Variants in GFRA1 observed in about 807,000 individuals in gnomAD.
GFRA1 encodes GDNF family receptor alpha 1, also known as GDNF family receptor alpha-1.
Under a neutral mutation model 51.6 loss-of-function variants are expected in GFRA1, and 16 were observed. The observed-to-expected ratio is 0.31, with a 90% CI of 0.21 to 0.47. The LOEUF is 0.47. Ranked by LOEUF, GFRA1 falls within the 20% of genes least tolerant of loss-of-function variation. The probability of loss-of-function intolerance (pLI) is 1.00; values close to 1 mark genes in which losing one functional copy is unlikely to be tolerated. For missense variants in GFRA1, 530 were observed against 594.3 expected, an observed-to-expected ratio of 0.89 and a Z score of 1.13; for synonymous variants, 270 against 241.3, an observed-to-expected ratio of 1.12 and a Z score of -1.10.
At chr10:116,270,067 G>A (rs1365864198) in intron 3 of GFRA1, among the ~76,000 whole-genome samples, 2 of 152,154 alleles carry the variant, frequency 1.3e-5, no homozygotes, top group Non-Finnish European at 2.9e-5. Context: ...CCGCTGACAG[G>A]TCAAATCTGT....
intron 5 of GFRA1, among the ~76,000 whole-genome samples, chr10:116,141,926 C>A (rs1459982395): frequency 6.6e-6 from 1 of 152,030 alleles, no homozygotes; most frequent in Non-Finnish European, 1.5e-5. Context: ...ATGCTAGGTG[C>A]CAGGCTGGTA....
intron 6 of GFRA1, among the ~76,000 whole-genome samples, chr10:116,123,781 C>T (rs1377221277): frequency 6.6e-6 from 1 of 152,270 alleles, no homozygotes; most frequent in East Asian, 1.9e-4. Context: ...ACACTAAGTT[C>T]TGGGAAGGAC....
chr10:116,259,649 T>C (rs924835284), intron 4 of GFRA1, among the ~76,000 whole-genome samples: 1 of 152,130 alleles, frequency 6.6e-6, no homozygotes, highest in African/African-American at 2.4e-5. Flanking sequence ...AGGAGAAAGC[T>C]GGGAATTAAA....
At chr10:116,243,786 G>A (rs11197604) in intron 4 of GFRA1, among the ~76,000 whole-genome samples, 41,234 of 151,960 alleles carry the variant, frequency 0.27, 5,698 homozygotes, top group East Asian at 0.35. Flanking sequence ...TATGGCCACA[G>A]GCCCTGGTCA....
chr10:116,218,671 C>T (rs142808405), intron 4 of GFRA1, among the ~76,000 whole-genome samples: 2,245 of 152,288 alleles, frequency 0.015, 33 homozygotes, highest in Non-Finnish European at 0.022. Flanking sequence ...CTCCTGCTTC[C>T]TCCAGGCACA....
intron 4 of GFRA1, among the ~76,000 whole-genome samples, chr10:116,242,589 C>G (rs1736386009): frequency 6.6e-6 from 1 of 151,734 alleles, no homozygotes; most frequent in South Asian, 2.1e-4. Context: ...TCAAGCAATT[C>G]TTCTGCCTCA....
At chr10:116,135,308 T>C (rs539346204) in intron 5 of GFRA1, among the ~76,000 whole-genome samples, 11 of 152,350 alleles carry the variant, frequency 7.2e-5, no homozygotes, top group African/African-American at 2.6e-4. Context: ...AATCATACAA[T>C]GATCAACTAT....
intron 5 of GFRA1, among the ~76,000 whole-genome samples, chr10:116,179,075 T>C (rs574822175): frequency 5.5e-4 from 84 of 152,274 alleles, no homozygotes; most frequent in Middle Eastern, 3.4e-3. Context: ...AAGCAGAGGC[T>C]GGCCAGCCCC....
intron 5 of GFRA1, among the ~76,000 whole-genome samples, chr10:116,194,701 A>G (rs184438478): frequency 1.3e-3 from 194 of 152,304 alleles, no homozygotes; most frequent in Non-Finnish European, 2.4e-3. Flanking sequence ...CAGGACATCA[A>G]TAAGTGTTTG....
intron 3 of GFRA1, among the ~76,000 whole-genome samples, chr10:116,270,469 G>A (rs2134828291): frequency 6.6e-6 from 1 of 152,284 alleles, no homozygotes; most frequent in South Asian, 2.1e-4. Flanking sequence ...ATTATTGAGA[G>A]GCCAGCGAAA....
intron 9 of GFRA1, among the ~76,000 whole-genome samples, chr10:116,082,883 C>T (rs1955913016): frequency 6.6e-6 from 1 of 152,168 alleles, no homozygotes; most frequent in Non-Finnish European, 1.5e-5. Context: ...CTTTCTGGCC[C>T]CAGCCTCCTG....
Position 116,102,568 on chromosome 10 carries a change from A to G in GFRA1, c.771-5804T>C, listed in dbSNP as rs545748875. Among the ~76,000 whole-genome samples the G allele has an allele frequency of 3.9e-5, 6 of 152,332 alleles. No homozygotes were observed. The East Asian group carries it at 9.7e-4, about 25-fold the overall frequency. On this transcript the variant is annotated intron_variant, in intron 6 of 10. Coordinates refer to ENST00000355422, the MANE Select transcript of GFRA1 (RefSeq NM_005264.8). The stretch of plus-strand genomic sequence containing the variant: ...AGGTTTAATGCATTCACAGTTCCAC[A>G]TGGTGCGGAGGTCTCACAATCATGG...
chr10:116,161,696 C>A (rs1589834558), intron 5 of GFRA1, among the ~76,000 whole-genome samples: 1 of 152,316 alleles, frequency 6.6e-6, no homozygotes, highest in African/African-American at 2.4e-5. Flanking sequence ...TTGCTTGCCG[C>A]CATGGAAGAC....
At chr10:116,081,650 G>C (rs148409146) in intron 9 of GFRA1, among the ~76,000 whole-genome samples, 1 of 152,112 alleles carries the variant, frequency 6.6e-6, no homozygotes, top group Admixed American at 6.6e-5. Context: ...GAGGCACTGC[G>C]TATGCATTTG....
intron 9 of GFRA1, among the ~76,000 whole-genome samples, chr10:116,085,364 G>A (rs962500877): frequency 6.6e-5 from 10 of 152,156 alleles, no homozygotes; most frequent in Non-Finnish European, 7.3e-5. Flanking sequence ...ACAAGAGGGC[G>A]CTTCTCAAGG....
chr10:116,167,660 C>CA (rs1960610858), intron 5 of GFRA1, among the ~76,000 whole-genome samples: 1 of 151,824 alleles, frequency 6.6e-6, no homozygotes, highest in African/African-American at 2.4e-5. Flanking sequence ...ACGTGCAGAA[C>CA]AGTCCAGAGA....
intron 6 of GFRA1, among the ~76,000 whole-genome samples, chr10:116,097,150 T>C (rs1956632983): frequency 6.6e-6 from 1 of 152,324 alleles, no homozygotes; most frequent in South Asian, 2.1e-4. Context: ...AGATCCACAC[T>C]GGGAAAATAT....
chr10:116,261,379 A>T (rs779608933), intron 4 of GFRA1, among the ~76,000 whole-genome samples: 5 of 152,218 alleles, frequency 3.3e-5, no homozygotes, highest in Non-Finnish European at 7.3e-5. Context: ...CTACAAATCC[A>T]GTGGTTTTAT....
chr10:116,194,447 C>T (rs777742209), intron 5 of GFRA1, among the ~76,000 whole-genome samples: 1 of 152,048 alleles, frequency 6.6e-6, no homozygotes. Context: ...CTGAAGAAAT[C>T]GAAAGGGAGT....
Sources: gnomAD v4.1 joint callset for allele counts (sites outside exome capture counted in the v4.1 genomes callset) on GRCh38, gnomAD v4.1.1 for gene constraint, MANE v1.5 for transcripts, NCBI Gene and HGNC (gene_info 2026-07-23, HGNC 2026-07-21) for gene names.